The following NPC1 variants were observed in gnomAD, a reference collection of about 807,000 sequenced individuals.
The protein encoded by NPC1 is Niemann-Pick C1 protein.
A neutral mutation model predicts 140.4 loss-of-function variants in NPC1; 85 were observed. That is an observed-to-expected ratio of 0.61 (90% CI 0.51 to 0.72). NPC1 has a LOEUF of 0.72. Ranked by LOEUF, NPC1 falls within the 30% of genes least tolerant of loss-of-function variation. The pLI is 0.00. For missense variants in NPC1, 1,504 were observed against 1,623.8 expected (o/e 0.93, Z 1.27); for synonymous variants, 656 against 624.8 (o/e 1.05, Z -0.74).
Position 23,516,208 on chromosome 18 carries a change from G to T in NPC1, c.432-9566C>A, listed in dbSNP as rs569591667. ...CTGTGAGAGGACATGGGGGACGGTG[G>T]AAAGGATCCAAAGACGAAGTCTGTG... On this transcript the variant is annotated intron_variant, in intron 3 of 3. Transcript: ENST00000591107. 1.6e-4 allele frequency: 225 copies of T among 1,393,570 alleles called. 1 individual carries two copies. In the East Asian group the frequency reaches 4.4e-3, roughly 28 times the overall value. The allele number at this position is 1,393,570 out of a possible 1,614,324, so 86.3% of individuals were successfully genotyped here. A position where few individuals can be genotyped will look rare whatever the true frequency, so the allele number is the denominator to read the frequency against.
chr18:23,524,679 A>G (rs990830517), downstream of NPC1, among the ~76,000 whole-genome samples: 7 of 151,916 alleles, frequency 4.6e-5, no homozygotes, highest in Admixed American at 4.6e-4. Context: ...ACTACTTTTA[A>G]TAATTAAAGC....
rs370103474 is a variant in NPC1, at chr18:23,537,344, T to C, written c.3042-468A>G. 5.1e-4 allele frequency among the ~76,000 whole-genome samples: 78 copies of C among 152,334 alleles called. No individual in the cohort carries two copies. In the Middle Eastern group the frequency reaches 0.01, roughly 20 times the overall value. ...CGCCCACCTCGGCCTCCAAAAGTAC[T>C]GGGATTACAGGTGTGAGCCACTTCG... On this transcript the variant is annotated intron_variant, in intron 20 of 24. Transcript: ENST00000269228.
At chr18:23,543,308 G>GCAGTGGT in intron 14 of NPC1, 147 bp downstream of exon 14, 1 of 593,992 alleles carries the variant, frequency 1.7e-6, no homozygotes. Context: ...CAGCCTGGGT[G>GCAGTGGT]GCAGAGTGAG....
chr18:23,558,492 A>C (rs2058987204), intron 6 of NPC1, among the ~76,000 whole-genome samples: 1 of 152,224 alleles, frequency 6.6e-6, no homozygotes, highest in Non-Finnish European at 1.5e-5. Flanking sequence ...GCTACAAAAT[A>C]CCTGACCAGT....
downstream of NPC1, among the ~76,000 whole-genome samples, chr18:23,519,994 G>A (rs949722397): frequency 2.0e-5 from 3 of 152,226 alleles, no homozygotes; most frequent in Non-Finnish European, 4.4e-5. Context: ...TGTCATAAAT[G>A]CAGGAAATAC....
downstream of NPC1, chr18:23,530,675 C>A: frequency 1.3e-6 from 2 of 1,509,370 alleles, no homozygotes; most frequent in South Asian, 1.2e-5. Flanking sequence ...AGGGCACTGG[C>A]AGCTGGTGGG....
chr18:23,558,025 T>C (rs2058980240), intron 6 of NPC1, among the ~76,000 whole-genome samples: 1 of 152,104 alleles, frequency 6.6e-6, no homozygotes, highest in Non-Finnish European at 1.5e-5. Context: ...GTCCATGATG[T>C]AAATAACTGA....
In NPC1 at chr18:23,563,979, T is replaced by C. The variant is rs113313982; in HGVS notation, c.464-2452A>G. Among the ~76,000 whole-genome samples, 442 of 132,344 alleles carry C rather than the reference T, an allele frequency of 3.3e-3. 2 individuals carry two copies. The highest frequency in any genetic ancestry group is 5.4e-3 in the Non-Finnish European group (348 of 64,184). The allele number at this position is 132,344 out of a possible 152,430, so 86.8% of individuals were successfully genotyped here. ...ATTGGGTTATTTATTTATCATTGAG[T>C]AGTAAGAGTTTTTTTTTTTTTTTTT... On this transcript the variant is annotated intron_variant, in intron 4 of 24. Transcript: ENST00000269228.
Position 23,586,440 on chromosome 18 carries a change from C to G in NPC1, c.-97G>C. On this transcript the variant is annotated 5_prime_UTR_variant, in exon 1 of 25. Coordinates refer to ENST00000269228, the MANE Select transcript of NPC1 (RefSeq NM_000271.5). ...CCCCGGGCTGTTTCAGCACCCCGCG[C>G]AGGAGGAGCGGAGGAGCAGGAGCAG... The G allele has an allele frequency of 6.6e-7, 1 of 1,510,758 alleles. No individual in the cohort carries two copies. The highest frequency in any genetic ancestry group is 8.8e-7 in the Non-Finnish European group (1 of 1,135,912). 93.6% of individuals were successfully genotyped at this position (1,510,758 alleles called of 1,614,324 possible). A position where few individuals can be genotyped will look rare whatever the true frequency, so the allele number is the denominator to read the frequency against.
downstream of NPC1, among the ~76,000 whole-genome samples, chr18:23,525,646 A>G (rs1326410002): frequency 6.6e-6 from 1 of 151,560 alleles, no homozygotes; most frequent in Non-Finnish European, 1.5e-5. Context: ...GATGGTCTCG[A>G]TCTCCTGACC....
At chr18:23,537,417 AGCT>A (rs1462685001) in intron 20 of NPC1, among the ~76,000 whole-genome samples, 1 of 152,152 alleles carries the variant, frequency 6.6e-6, no homozygotes, top group African/African-American at 2.4e-5. Context: ...TTTGGTACAT[AGCT>A]GCTGTTTCTC....
intron 1 of NPC1, among the ~76,000 whole-genome samples, chr18:23,577,149 C>T (rs1384017893): frequency 6.6e-6 from 1 of 151,464 alleles, no homozygotes. Context: ...AAGGCCCCAC[C>T]AGAGCAGCTA....
chr18:23,565,532 T>A (rs1483648161), intron 4 of NPC1, among the ~76,000 whole-genome samples: 3 of 152,130 alleles, frequency 2.0e-5, no homozygotes, highest in Non-Finnish European at 4.4e-5. Flanking sequence ...ATTTTTATAT[T>A]TTTAGTAGAG....
chr18:23,520,426 C>G (rs2058113152), downstream of NPC1: 1 of 876,684 alleles, frequency 1.1e-6, no homozygotes, highest in Non-Finnish European at 1.8e-6. Flanking sequence ...ACAGAGATTC[C>G]CAGATCTGTC....
At chr18:23,529,932 C>T, downstream of NPC1, 1 of 1,215,204 alleles carries the variant, frequency 8.2e-7, no homozygotes, top group Non-Finnish European at 1.2e-6. Flanking sequence ...CAGACTTTTA[C>T]TGTGTTGGTT....
intron 1 of NPC1, among the ~76,000 whole-genome samples, chr18:23,585,311 C>G (rs974834272): frequency 3.3e-5 from 5 of 152,142 alleles, no homozygotes; most frequent in African/African-American, 1.2e-4. Flanking sequence ...CTGCTGAGCT[C>G]AAGAGATCCT....
intron 1 of NPC1, among the ~76,000 whole-genome samples, chr18:23,577,107 T>A (rs1287553946): frequency 6.6e-6 from 1 of 151,432 alleles, no homozygotes; most frequent in Non-Finnish European, 1.5e-5. Flanking sequence ...ATCAGATTAG[T>A]TAGATACAGA....
chr18:23,534,424 T>C, intron 23 of NPC1, 22 bp downstream of exon 23: 1 of 1,519,968 alleles, frequency 6.6e-7, no homozygotes, highest in East Asian at 2.2e-5. Context: ...TCTGCCGGCG[T>C]GGCCCTGCTC....
rs377132020 is a variant in NPC1, at chr18:23,560,271, G to A, written c.841C>T (p.Leu281Phe). 1.2e-6 allele frequency: 2 copies of A among 1,613,974 alleles called. No homozygotes were observed. The highest frequency in any genetic ancestry group is 1.7e-6 in the Non-Finnish European group (2 of 1,180,030). Residue 281 changes from leucine (L) to phenylalanine (F), a missense_variant, in exon 6 of 25, where the codon CTT becomes TTT. By Grantham distance (22) the Leu-to-Phe change is conservative. Transcript: ENST00000269228. Reference sequence around the variant, plus strand: ...GCAAAAAATGCTCCAAAAAACACAAGCAAAAACGCCATGTAGGTGATCCAC... The same window carrying A: ...GCAAAAAATGCTCCAAAAAACACAAACAAAAACGCCATGTAGGTGATCCAC... ...IMWITYMAFL[L>F]VFFGAFFAVW...
Sources: gnomAD v4.1 joint callset for allele counts (sites outside exome capture counted in the v4.1 genomes callset) on GRCh38, gnomAD v4.1.1 for gene constraint, MANE v1.5 for transcripts, NCBI Gene and HGNC (gene_info 2026-07-23, HGNC 2026-07-21) for gene names.